The following OR51A4 variants were observed in gnomAD, a reference collection of about 807,000 sequenced individuals.
OR51A4 encodes olfactory receptor 51A4.
For synonymous variants in OR51A4, 96 were observed against 141.5 expected, an observed-to-expected ratio of 0.68 and a Z score of 2.28; for missense variants, 243 against 364.0, an observed-to-expected ratio of 0.67 and a Z score of 2.70.
rs1260161508 is a variant in OR51A4, at chr11:4,945,871, G to A, written c.*288C>T. ...ATAATGAGAAATCCAACTTCTGTCAGAGCTGTAAAAATTATCATTTTTCTG... is the reference window on the plus strand; with the variant it reads ...ATAATGAGAAATCCAACTTCTGTCAAAGCTGTAAAAATTATCATTTTTCTG... On this transcript the variant is annotated 3_prime_UTR_variant, in exon 2 of 2. Transcript: ENST00000641898. 9.6e-6 allele frequency: 4 copies of A among 417,194 alleles called. No homozygotes were observed. The highest frequency in any genetic ancestry group is 5.0e-5 in the East Asian group (1 of 20,154). 25.8% of individuals were successfully genotyped at this position (417,194 alleles called of 1,614,324 possible). A position where few individuals can be genotyped will look rare whatever the true frequency, so the allele number is the denominator to read the frequency against.
chr11:4,946,913 T>C lies in OR51A4; in HGVS notation c.188A>G (p.Tyr63Cys). Residue 63 changes from tyrosine to cysteine, a missense_variant, in exon 2 of 2, where the codon TAT becomes TGT. Tyr to Cys is a radical substitution (Grantham distance 194). Transcript: ENST00000641898. ...TEPSLHEPMY[Y>C]FLSMLAMSDL... ...TGACATAGCCAACATGGAAAGAAAA[T>C]AGTACATGGGCTCATGCAAGGAGGG... The C allele has an allele frequency of 6.2e-7, 1 of 1,605,666 alleles. No homozygotes were observed. The highest frequency in any genetic ancestry group is 8.5e-7 in the Non-Finnish European group (1 of 1,176,290).
At position 4,946,389 on chromosome 11, in the gene OR51A4, C is replaced by G. The variant is rs753304813; in HGVS notation, c.712G>C (p.Ala238Pro). The G allele has an allele frequency of 1.1e-5, 17 of 1,613,312 alleles. No homozygotes were observed. The highest frequency in any genetic ancestry group is 1.4e-5 in the Non-Finnish European group (17 of 1,179,848). ...GIASKKEQLKALNTCVSHICA... is the reference protein window; with the variant it reads ...GIASKKEQLKPLNTCVSHICA... ...ATGTGTGAAACACAAGTATTGAGAG[C>G]CTTAAGCTGCTCCTTTTTGGATGCA... Residue 238 changes from alanine (A) to proline (P), a missense_variant, in exon 2 of 2, where the codon GCT (alanine) becomes CCT (proline). Physicochemically the swap from Ala to Pro is conservative, Grantham distance 27. Transcript: ENST00000641898.
Position 4,943,915 on chromosome 11 carries a change from A to G in OR51A4, c.*2244T>C, listed in dbSNP as rs1201373445. The G allele has an allele frequency of 2.3e-6, 1 of 429,824 alleles. No individual in the cohort carries two copies. The highest frequency in any genetic ancestry group is 4.6e-6 in the Non-Finnish European group (1 of 215,748). 26.6% of individuals were successfully genotyped at this position (429,824 alleles called of 1,614,324 possible). On this transcript the variant is annotated 3_prime_UTR_variant, in exon 2 of 2. Coordinates refer to ENST00000641898, the MANE Select transcript of OR51A4 (RefSeq NM_001005329.2). ...ATACTCTTTTATGTGACATCTATGT[A>G]CAATATCCTGAAAGAATAAGATGCT...
chr11:4,943,512 C>T lies in OR51A4; in HGVS notation c.*2647G>A, dbSNP rs183476330. On this transcript the variant is annotated 3_prime_UTR_variant, in exon 2 of 2. Transcript: ENST00000641898. ...TTTTTTTAATGCTTGGCACCACTGA[C>T]ATTTTGTGCTAGATAATTCTTTTGG... 6.8e-5 allele frequency: 31 copies of T among 456,062 alleles called. No homozygotes were observed. Among genetic ancestry groups the T allele is most frequent in the African/African-American group, 5.6e-4 (28 of 50,156 alleles). The allele number at this position is 456,062 out of a possible 1,614,324, so 28.3% of individuals were successfully genotyped here. A position where few individuals can be genotyped will look rare whatever the true frequency, so the allele number is the denominator to read the frequency against.
In OR51A4 at chr11:4,943,609, A is replaced by C. The variant is rs947079181; in HGVS notation, c.*2550T>G. The C allele has an allele frequency of 5.2e-6, 2 of 385,742 alleles. No homozygotes were observed. Among genetic ancestry groups the C allele is most frequent in the African/African-American group, 2.1e-5 (1 of 47,782 alleles). The allele number at this position is 385,742 out of a possible 1,614,324, so 23.9% of individuals were successfully genotyped here. A position where few individuals can be genotyped will look rare whatever the true frequency, so the allele number is the denominator to read the frequency against. On this transcript the variant is annotated 3_prime_UTR_variant, in exon 2 of 2. Transcript: ENST00000641898. ...CCTCTAATCAGTGGAAGTCAGTGACACACCCACACCCCCAGGTTGCAACAA... is the reference window on the plus strand; with the variant it reads ...CCTCTAATCAGTGGAAGTCAGTGACCCACCCACACCCCCAGGTTGCAACAA...
In OR51A4 at chr11:4,944,868, G is replaced by A. The variant is rs1198585263; in HGVS notation, c.*1291C>T. 6.6e-6 allele frequency: 1 copy of A among 151,838 alleles called. No individual in the cohort carries two copies. The highest frequency in any genetic ancestry group is 1.5e-5 in the Non-Finnish European group (1 of 67,972). 9.4% of individuals were successfully genotyped at this position (151,838 alleles called of 1,614,324 possible). ...TAAAAAACTTGTATCCTACCTTGAAGAAATATTACTGAACTCCTCAGTGAA... is the reference window on the plus strand; with the variant it reads ...TAAAAAACTTGTATCCTACCTTGAAAAAATATTACTGAACTCCTCAGTGAA... On this transcript the variant is annotated 3_prime_UTR_variant, in exon 2 of 2. Coordinates refer to ENST00000641898, the MANE Select transcript of OR51A4 (RefSeq NM_001005329.2).
chr11:4,945,869 C>T lies in OR51A4; in HGVS notation c.*290G>A. 2.4e-6 allele frequency: 1 copy of T among 410,740 alleles called. No individual in the cohort carries two copies. Among genetic ancestry groups the T allele is most frequent in the Non-Finnish European group, 4.4e-6 (1 of 225,528 alleles). The allele number at this position is 410,740 out of a possible 1,614,324, so 25.4% of individuals were successfully genotyped here. On this transcript the variant is annotated 3_prime_UTR_variant, in exon 2 of 2. Coordinates refer to ENST00000641898, the MANE Select transcript of OR51A4 (RefSeq NM_001005329.2). ...AGATAATGAGAAATCCAACTTCTGT[C>T]AGAGCTGTAAAAATTATCATTTTTC...
Position 4,946,591 on chromosome 11 carries a change from A to G in OR51A4, c.510T>C (p.Tyr170=), listed in dbSNP as rs763802832. 1.3e-6 allele frequency: 2 copies of G among 1,563,098 alleles called. No homozygotes were observed. The highest frequency in any genetic ancestry group is 2.2e-5 in the East Asian group (1 of 44,860). ...AATGGGATAATTGGTTTTTCTTGCAATATCTCAAGTTTCTTAAAGTGAAAG... is the reference window on the plus strand; with the variant it reads ...AATGGGATAATTGGTTTTTCTTGCAGTATCTCAAGTTTCTTAAAGTGAAAG... ...PFPFTLRNLR[Y]CKKNQLSHSY... is the part of the protein sequence containing the mutation. Residue 170 remains tyrosine (Y), a synonymous_variant, in exon 2 of 2, where the codon TAT becomes TAC. Transcript: ENST00000641898.
chr11:4,947,262 AGATGGT>A (rs1846326657), intron 1 of OR51A4, 100 bp from the exon 2 acceptor site: 1 of 424,396 alleles, frequency 2.4e-6, no homozygotes, highest in Admixed American at 6.2e-5. Context: ...TCATGAAGAG[AGATGGT>A]TGGTTGCTGC....
In OR51A4 at chr11:4,943,486, G is replaced by GT. The variant is rs1564811703; in HGVS notation, c.*2672dup. The GT allele has an allele frequency of 4.4e-6, 2 of 455,838 alleles. No individual in the cohort carries two copies. Among genetic ancestry groups the GT allele is most frequent in the Non-Finnish European group, 8.8e-6 (2 of 226,494 alleles). 28.2% of individuals were successfully genotyped at this position (455,838 alleles called of 1,614,324 possible). ...ATTTGATAGTTACATTTAGACTAAG[G>GT]TTTTTTTAATGCTTGGCACCACTGA... On this transcript the variant is annotated 3_prime_UTR_variant, in exon 2 of 2. Coordinates refer to ENST00000641898, the MANE Select transcript of OR51A4 (RefSeq NM_001005329.2).
rs957321091 is a variant in OR51A4 at position 4,945,564 on chromosome 11, G to A, written c.*595C>T. ...TTCATTGTGAATCAATTATAAGGCA[G>A]GGAACTTAGCAATATTTTATGAGAG... On this transcript the variant is annotated 3_prime_UTR_variant, in exon 2 of 2. Transcript: ENST00000641898. 2 of 154,818 alleles carry A rather than the reference G, an allele frequency of 1.3e-5. No individual in the cohort carries two copies. The highest frequency in any genetic ancestry group is 4.8e-5 in the African/African-American group (2 of 41,450). 9.6% of individuals were successfully genotyped at this position (154,818 alleles called of 1,614,324 possible). A position where few individuals can be genotyped will look rare whatever the true frequency, so the allele number is the denominator to read the frequency against.
chr11:4,943,108 A>C lies in OR51A4; in HGVS notation c.*3051T>G. Reference sequence around the variant, plus strand: ...ATGATGCTCCCCTTCGTCCCTTATAATTTTGTAGTGTTCCATCCCTTACAA... The same window carrying C: ...ATGATGCTCCCCTTCGTCCCTTATACTTTTGTAGTGTTCCATCCCTTACAA... On this transcript the variant is annotated 3_prime_UTR_variant, in exon 2 of 2. Transcript: ENST00000641898. The C allele has an allele frequency of 6.1e-6, 1 of 165,126 alleles. No homozygotes were observed. Among genetic ancestry groups the C allele is most frequent in the Non-Finnish European group, 1.3e-5 (1 of 76,244 alleles). The allele number at this position is 165,126 out of a possible 1,614,324, so 10.2% of individuals were successfully genotyped here.
rs140112419 is a variant in OR51A4 at position 4,946,357 on chromosome 11, T to C, written c.744A>G (p.Ala248=). 4.3e-6 allele frequency: 7 copies of C among 1,613,658 alleles called. No homozygotes were observed. The African/African-American group carries it at 8.0e-5, about 19-fold the overall frequency. Residue 248 remains alanine (A), a synonymous_variant, in exon 2 of 2, where the codon GCA becomes GCG. Transcript: ENST00000641898. The part of the protein sequence containing the change: ...ALNTCVSHIC[A]VIIFYLPIIN... ...TGATGGGCAGGTAGAAGATGATCAC[T>C]GCACAGATGTGTGAAACACAAGTAT...
In OR51A4 at chr11:4,943,347, TCA is replaced by T. The variant is rs1406976687; in HGVS notation, c.*2810_*2811del. On this transcript the variant is annotated 3_prime_UTR_variant, in exon 2 of 2. Transcript: ENST00000641898. ...TCTCAAGTGAAGTCTTTCAGTTTTC[TCA>T]GTTTTTCACTGGTTTCCTTTCTGAG... is the stretch of plus-strand genomic sequence containing the variant. 5.7e-6 allele frequency: 2 copies of T among 349,832 alleles called. No homozygotes were observed. The highest frequency in any genetic ancestry group is 1.1e-5 in the Non-Finnish European group (2 of 177,726). The allele number at this position is 349,832 out of a possible 1,614,324, so 21.7% of individuals were successfully genotyped here.
At position 4,944,708 on chromosome 11, in the gene OR51A4, T is replaced by G. The variant is rs574630005; in HGVS notation, c.*1451A>C. ...CAATATGCAAGATTTTGAGGTCATATTAGGAAGGAAAGTTGGACAATTTTT... is the reference window on the plus strand; with the variant it reads ...CAATATGCAAGATTTTGAGGTCATAGTAGGAAGGAAAGTTGGACAATTTTT... On this transcript the variant is annotated 3_prime_UTR_variant, in exon 2 of 2. Coordinates refer to ENST00000641898, the MANE Select transcript of OR51A4 (RefSeq NM_001005329.2). The G allele has an allele frequency of 6.6e-6, 1 of 152,216 alleles. No individual in the cohort carries two copies. Among genetic ancestry groups the G allele is most frequent in the African/African-American group, 2.4e-5 (1 of 41,556 alleles). 9.4% of individuals were successfully genotyped at this position (152,216 alleles called of 1,614,324 possible). A position where few individuals can be genotyped will look rare whatever the true frequency, so the allele number is the denominator to read the frequency against.
Position 4,944,043 on chromosome 11 carries a change from A to G in OR51A4, c.*2116T>C. 1 of 433,340 alleles carries G rather than the reference A, an allele frequency of 2.3e-6. No individual in the cohort carries two copies. The highest frequency in any genetic ancestry group is 4.6e-6 in the Non-Finnish European group (1 of 219,748). 26.8% of individuals were successfully genotyped at this position (433,340 alleles called of 1,614,324 possible). On this transcript the variant is annotated 3_prime_UTR_variant, in exon 2 of 2. Coordinates refer to ENST00000641898, the MANE Select transcript of OR51A4 (RefSeq NM_001005329.2). The stretch of plus-strand genomic sequence containing the variant: ...GAGAATATGAGCTTCTATTTCTTTC[A>G]ATTAATAAAATATGTCAACTACTGC...
chr11:4,946,808 G>T lies in OR51A4; in HGVS notation c.293C>A (p.Ala98Asp). The T allele has an allele frequency of 6.3e-7, 1 of 1,587,462 alleles. No homozygotes were observed. ...LFNAPEISSN[A>D]CFAQEFFIHG... ...AATGAAGAATTCCTGGGCAAAGCAG[G>T]CATTGGATGAAATTTCAGGAGCATT... The change falls in exon 2 of 2, where the codon GCC (alanine) becomes GAC (aspartate). Residue 98 changes from alanine (A) to aspartate (D), a missense_variant. By Grantham distance (126) the Ala-to-Asp change is moderately radical. Transcript: ENST00000641898.
Position 4,943,169 on chromosome 11 carries a change from C to T in OR51A4, c.*2990G>A. ...CAAACCTCTCACAAATGACCAATGT[C>T]CAATAGAAAAACAAAATGAAACACA... On this transcript the variant is annotated 3_prime_UTR_variant, in exon 2 of 2. Transcript: ENST00000641898. The T allele has an allele frequency of 1.1e-5, 2 of 190,430 alleles. No homozygotes were observed. The allele number at this position is 190,430 out of a possible 1,614,324, so 11.8% of individuals were successfully genotyped here.
rs1247727785 is a variant in OR51A4, at chr11:4,943,727, T to A, written c.*2432A>T. On this transcript the variant is annotated 3_prime_UTR_variant, in exon 2 of 2. Transcript: ENST00000641898. ...GTTTAAGGAGCCCCAGAGTTGAGATTTTAATCCTCCAAAAACTACATTCTT... is the reference window on the plus strand; with the variant it reads ...GTTTAAGGAGCCCCAGAGTTGAGATATTAATCCTCCAAAAACTACATTCTT... The A allele has an allele frequency of 2.8e-6, 1 of 354,862 alleles. No homozygotes were observed. Among genetic ancestry groups the A allele is most frequent in the Non-Finnish European group, 5.6e-6 (1 of 179,566 alleles). The allele number at this position is 354,862 out of a possible 1,614,324, so 22.0% of individuals were successfully genotyped here.
Sources: gnomAD v4.1 joint callset for allele counts on GRCh38, gnomAD v4.1.1 for gene constraint, MANE v1.5 for transcripts, NCBI Gene and HGNC (gene_info 2026-07-23, HGNC 2026-07-21) for gene names.